MYO16: variants seen among roughly 807,000 people sequenced by gnomAD.
The protein encoded by MYO16 is unconventional myosin-XVI.
A neutral mutation model predicts 205.3 loss-of-function variants in MYO16; 94 were observed. That is an observed-to-expected ratio of 0.46 (90% confidence interval 0.39 to 0.54). MYO16 has a LOEUF of 0.54. MYO16 is among the 20% of genes least tolerant of loss of function. The pLI, the probability that MYO16 is intolerant of heterozygous loss-of-function variation, is 0.00. For missense variants in MYO16, 2,315 were observed against 2,387.5 expected, an observed-to-expected ratio of 0.97 and a Z score of 0.63; for synonymous variants, 988 against 954.0, an observed-to-expected ratio of 1.04 and a Z score of -0.66.
At chr13:108,712,405 T>TA (rs1311899224) in intron 2 of MYO16, among the ~76,000 whole-genome samples, 1 of 152,238 alleles carries the variant, frequency 6.6e-6, no homozygotes, top group East Asian at 1.9e-4. Flanking sequence ...CAGTAAACTT[T>TA]AAAAAATCTG....
intron 4 of MYO16, among the ~76,000 whole-genome samples, chr13:108,783,938 A>G (rs572961150): frequency 1.3e-5 from 2 of 152,302 alleles, no homozygotes; most frequent in East Asian, 3.9e-4. Flanking sequence ...GAACCAATAC[A>G]GCGCCTGTAC....
the MYO16 span, among the ~76,000 whole-genome samples, chr13:108,579,439 G>T: frequency 9.0e-6 from 1 of 110,880 alleles, no homozygotes; most frequent in Non-Finnish European, 1.8e-5. Flanking sequence ...CTAAAGGCAA[G>T]AATTTTTTTT....
upstream of MYO16, among the ~76,000 whole-genome samples, chr13:108,627,497 C>G (rs1363034235): frequency 6.6e-6 from 1 of 152,030 alleles, no homozygotes; most frequent in African/African-American, 2.4e-5. Context: ...TTTCATCTGA[C>G]GATAAGCACT....
rs1880666985 is a variant in MYO16, at chr13:109,207,799, C to T, written c.*963C>T. 1 of 152,270 alleles carries T rather than the reference C, an allele frequency of 6.6e-6. No homozygotes were observed. Among genetic ancestry groups the T allele is most frequent in the African/African-American group, 2.4e-5 (1 of 41,454 alleles). The allele number at this position is 152,270 out of a possible 1,614,324, so 9.4% of individuals were successfully genotyped here. ...GGCTGCATCGCACAGCGCTCGTCCC[C>T]CGGGACTTACACTGCATGATTCCCT... On this transcript the variant is annotated 3_prime_UTR_variant, in exon 35 of 35. Coordinates refer to ENST00000457511, the MANE Select transcript of MYO16 (RefSeq NM_001198950.3).
chr13:109,008,197 AT>A (rs909808949), intron 21 of MYO16, among the ~76,000 whole-genome samples: 8 of 152,174 alleles, frequency 5.3e-5, no homozygotes, highest in African/African-American at 1.9e-4. Flanking sequence ...GTCATGCTTT[AT>A]TTTGGTAGAC....
intron 16 of MYO16, among the ~76,000 whole-genome samples, chr13:108,919,604 A>C (rs754647769): frequency 3.9e-5 from 6 of 152,198 alleles, no homozygotes; most frequent in African/African-American, 1.4e-4. Flanking sequence ...CAAGCAGTGT[A>C]TTTACCTTCA....
upstream of MYO16, among the ~76,000 whole-genome samples, chr13:108,595,939 G>A: frequency 7.9e-6 from 1 of 126,362 alleles, no homozygotes; most frequent in East Asian, 2.6e-4. Context: ...TTTAATTAAA[G>A]AGCTGCACTC....
At chr13:108,564,234 C>G in the MYO16 span, among the ~76,000 whole-genome samples, 3 of 149,694 alleles carry the variant, frequency 2.0e-5, no homozygotes, top group Non-Finnish European at 4.4e-5. Context: ...GCAGTGGCAC[C>G]ATCTTGGCTC....
In MYO16 at chr13:109,125,661, G is replaced by A. The variant is rs1876213301; in HGVS notation, c.3782+303G>A. Among the ~76,000 whole-genome samples the A allele has an allele frequency of 6.6e-6, 1 of 152,154 alleles. No individual in the cohort carries two copies. Among genetic ancestry groups the A allele is most frequent in the South Asian group, 2.1e-4 (1 of 4,830 alleles). On this transcript the variant is annotated intron_variant, in intron 30 of 34. Transcript: ENST00000457511. This position sits in a 1 kb window ranked among gnomAD's most constrained non-coding sequence, Gnocchi z 4.0. The stretch of plus-strand genomic sequence containing the variant: ...TAGTTCTAAAGCATTTACTGTTTCT[G>A]TATTAGCAAAAATATATAGCTTGGC...
chr13:108,617,608 C>A (rs1369629303), intron 1 of MYO16, among the ~76,000 whole-genome samples: 2 of 152,066 alleles, frequency 1.3e-5, no homozygotes, highest in Non-Finnish European at 2.9e-5. Context: ...GGGCCTAGTG[C>A]CTGCCTGATA....
chr13:109,150,053 C>T (rs1398298677), intron 32 of MYO16, among the ~76,000 whole-genome samples: 1 of 152,162 alleles, frequency 6.6e-6, no homozygotes, highest in Non-Finnish European at 1.5e-5. Context: ...GCCCCAGACC[C>T]ACCAGAAATT....
intron 12 of MYO16, among the ~76,000 whole-genome samples, chr13:108,871,330 G>A (rs1336159179): frequency 7.9e-6 from 1 of 126,222 alleles, no homozygotes; most frequent in Non-Finnish European, 1.6e-5. Context: ...CTTTGTGTGT[G>A]TGTGTGTGTG....
At chr13:109,204,680 A>G (rs1295527845) in intron 34 of MYO16, among the ~76,000 whole-genome samples, 1 of 152,200 alleles carries the variant, frequency 6.6e-6, no homozygotes, top group Non-Finnish European at 1.5e-5. Flanking sequence ...TTTGAAAGAA[A>G]TTATAGATGA....
At chr13:108,864,049 G>A (rs970530589) in intron 11 of MYO16, among the ~76,000 whole-genome samples, 2 of 152,068 alleles carry the variant, frequency 1.3e-5, no homozygotes, top group African/African-American at 2.4e-5. Flanking sequence ...TTGGTAGTTG[G>A]TGCATTTCCT....
chr13:108,876,076 T>C (rs1230375080), intron 12 of MYO16, among the ~76,000 whole-genome samples: 1 of 151,576 alleles, frequency 6.6e-6, no homozygotes, highest in Non-Finnish European at 1.5e-5. Flanking sequence ...AGTACAAGTT[T>C]TCAAACAAGA....
At chr13:108,651,403 C>G (rs1032940910) in intron 1 of MYO16, among the ~76,000 whole-genome samples, 3 of 152,194 alleles carry the variant, frequency 2.0e-5, no homozygotes, top group African/African-American at 7.2e-5. Flanking sequence ...GACTGTAAAT[C>G]TATATCCACT....
chr13:108,905,184 C>T (rs1406554220), intron 15 of MYO16, among the ~76,000 whole-genome samples: 1 of 152,088 alleles, frequency 6.6e-6, no homozygotes, highest in Non-Finnish European at 1.5e-5. Flanking sequence ...GGTTGGCCAT[C>T]GGTTTGTAAA....
At chr13:108,524,699 C>G in the MYO16 span, among the ~76,000 whole-genome samples, 96 of 152,180 alleles carry the variant, frequency 6.3e-4, no homozygotes, top group African/African-American at 2.3e-3. Context: ...GGATTTTACC[C>G]CCATCATTCT....
intron 12 of MYO16, among the ~76,000 whole-genome samples, chr13:108,881,699 AT>A (rs1354831474): frequency 6.6e-6 from 1 of 152,216 alleles, no homozygotes; most frequent in Non-Finnish European, 1.5e-5. Flanking sequence ...GGTATCAGTG[AT>A]TGAAGATCAA....
Sources: gnomAD v4.1 joint callset for allele counts (sites outside exome capture counted in the v4.1 genomes callset) on GRCh38, gnomAD v4.1.1 for gene constraint, Gnocchi (gnomAD v3.1) non-coding constraint, MANE v1.5 for transcripts, NCBI Gene and HGNC (gene_info 2026-07-23, HGNC 2026-07-21) for gene names.